The following SPECC1 variants were observed in gnomAD, a reference collection of about 807,000 sequenced individuals.
SPECC1 encodes cytospin-B.
Under a neutral mutation model 104.1 loss-of-function variants are expected in SPECC1, and 62 were observed. That is an observed-to-expected ratio of 0.60 (90% CI 0.49 to 0.74). SPECC1 has a LOEUF of 0.74. Ranked by LOEUF, SPECC1 falls within the 30% of genes least tolerant of loss-of-function variation. The pLI is 0.00. For synonymous variants in SPECC1, 513 were observed against 501.6 expected (o/e 1.02, Z -0.30); for missense variants, 1,306 against 1,310.5 (o/e 1.00, Z 0.05).
At chr17:20,051,447 T>C (rs1039544465) in intron 1 of SPECC1, among the ~76,000 whole-genome samples, 13 of 152,170 alleles carry the variant, frequency 8.5e-5, no homozygotes, top group Non-Finnish European at 1.5e-4. Context: ...AGTGCTAGGA[T>C]TACAGGTGTG....
At chr17:20,214,550 C>T (rs2037362493) in intron 4 of SPECC1, among the ~76,000 whole-genome samples, 1 of 152,244 alleles carries the variant, frequency 6.6e-6, no homozygotes, top group Middle Eastern at 3.4e-3. Context: ...CTCTGTTATC[C>T]AGGCTGAGTG....
At chr17:20,239,226 G>A in intron 7 of SPECC1, 3 of 1,016,540 alleles carry the variant, frequency 3.0e-6, no homozygotes, top group Non-Finnish European at 2.4e-6. Context: ...TAATGTATTG[G>A]ATTTTTTCTT....
chr17:20,242,157 C>T (rs928097955), intron 7 of SPECC1, among the ~76,000 whole-genome samples: 3 of 152,192 alleles, frequency 2.0e-5, no homozygotes, highest in African/African-American at 7.2e-5. Context: ...TCATCATGTA[C>T]AGGAGCTCAC....
intron 3 of SPECC1, among the ~76,000 whole-genome samples, chr17:20,124,483 C>T (rs940836645): frequency 2.2e-4 from 34 of 152,016 alleles, no homozygotes; most frequent in Admixed American, 1.8e-3. Context: ...GCAGGTGGGG[C>T]TGAATCGCTT....
intron 3 of SPECC1, among the ~76,000 whole-genome samples, chr17:20,193,673 T>C (rs1286189089): frequency 1.3e-5 from 2 of 152,216 alleles, no homozygotes; most frequent in Non-Finnish European, 2.9e-5. Flanking sequence ...TCAGTAAGCT[T>C]GTCCTGTATT....
chr17:20,238,673 A>G (rs762919199), intron 7 of SPECC1: 8 of 1,039,670 alleles, frequency 7.7e-6, no homozygotes, highest in African/African-American at 1.7e-5. Flanking sequence ...ACTGAAATTT[A>G]TATTTTGGGC....
At chr17:20,101,970 C>CT (rs1388416999) in intron 2 of SPECC1, among the ~76,000 whole-genome samples, 1 of 152,214 alleles carries the variant, frequency 6.6e-6, no homozygotes, top group Non-Finnish European at 1.5e-5. Flanking sequence ...GGCATTTGAA[C>CT]TTTTTCCTTT....
At chr17:20,286,204 C>T (rs1172394739) in intron 12 of SPECC1, among the ~76,000 whole-genome samples, 1 of 152,200 alleles carries the variant, frequency 6.6e-6, no homozygotes, top group African/African-American at 2.4e-5. Flanking sequence ...CCAGAATCCT[C>T]TTCATGTTCC....
At chr17:20,088,826 G>A (rs116992333) in intron 1 of SPECC1, among the ~76,000 whole-genome samples, 116 of 152,250 alleles carry the variant, frequency 7.6e-4, no homozygotes, top group Non-Finnish European at 1.4e-3. Flanking sequence ...TAAGAGGTGG[G>A]GCCTTTGGGA....
intron 3 of SPECC1, among the ~76,000 whole-genome samples, chr17:20,200,903 A>G (rs1048334418): frequency 6.6e-6 from 1 of 152,042 alleles, no homozygotes; most frequent in Non-Finnish European, 1.5e-5. Flanking sequence ...AAAAAAAAAA[A>G]AAGGAAAAAG....
chr17:20,273,602 G>A lies in SPECC1; in HGVS notation c.2940+13308G>A, dbSNP rs2040482464. Among the ~76,000 whole-genome samples, 7 of 152,154 alleles carry A rather than the reference G, an allele frequency of 4.6e-5. No individual in the cohort carries two copies. In the South Asian group the frequency reaches 1.5e-3, roughly 32 times the overall value. ...CTGTCCTCTGGGTGTGCACAGAAGA[G>A]AGAACGTTTGGAGCTTTGGCTGCTC... On this transcript the variant is annotated intron_variant, in intron 12 of 14. Coordinates refer to ENST00000395527, the MANE Select transcript of SPECC1 (RefSeq NM_001243439.2).
At position 20,051,081 on chromosome 17, in the gene SPECC1, TTTCTTTCTTTCTTTC is replaced by T. The variant is rs2045737244; in HGVS notation, c.-22+41660_-22+41674del. Among the ~76,000 whole-genome samples the T allele has an allele frequency of 5.4e-5, 3 of 56,036 alleles. No homozygotes were observed. In the Admixed American group the frequency reaches 5.6e-4, roughly 10 times the overall value. The allele number at this position is 56,036 out of a possible 152,430, so 36.8% of individuals were successfully genotyped here. A position where few individuals can be genotyped will look rare whatever the true frequency, so the allele number is the denominator to read the frequency against. ...TTCTTTCTTTCTTTTTCTTTCTTTC[TTTCTTTCTTTCTTTC>T]TTTCTTTCTTTCTTTCTTTCTTTCT... On this transcript the variant is annotated intron_variant, in intron 1 of 14. Coordinates refer to ENST00000395527, the MANE Select transcript of SPECC1 (RefSeq NM_001243439.2).
chr17:20,148,428 A>G (rs2031667009), intron 3 of SPECC1, among the ~76,000 whole-genome samples: 1 of 151,806 alleles, frequency 6.6e-6, no homozygotes, highest in Non-Finnish European at 1.5e-5. Context: ...TTCTAGAGAT[A>G]GGGTCTTGTG....
At chr17:20,186,908 G>T (rs982732169) in intron 3 of SPECC1, among the ~76,000 whole-genome samples, 1 of 152,116 alleles carries the variant, frequency 6.6e-6, no homozygotes, top group Non-Finnish European at 1.5e-5. Context: ...GATGTCCCCT[G>T]CTGGGTCCTG....
At chr17:20,296,752 G>A (rs2041364657) in intron 12 of SPECC1, among the ~76,000 whole-genome samples, 1 of 152,070 alleles carries the variant, frequency 6.6e-6, no homozygotes, top group Non-Finnish European at 1.5e-5. Flanking sequence ...TTGTAAGTTG[G>A]ATTCCTAGGT....
In SPECC1 at chr17:20,206,062, A is replaced by G. The variant is rs949274127; in HGVS notation, c.1863+150A>G. ...CCAGCTTGAAGGCCTGTTAGATTGC[A>G]CACAGGTTGGGATTGGGGGATACAA... On this transcript the variant is annotated intron_variant, in intron 4 of 14. Coordinates refer to ENST00000395527, the MANE Select transcript of SPECC1 (RefSeq NM_001243439.2). 4.3e-6 allele frequency: 5 copies of G among 1,167,836 alleles called. No individual in the cohort carries two copies. The East Asian group carries it at 1.2e-4, about 28-fold the overall frequency. The allele number at this position is 1,167,836 out of a possible 1,614,324, so 72.3% of individuals were successfully genotyped here.
At chr17:20,211,964 C>G (rs764685497) in intron 4 of SPECC1, among the ~76,000 whole-genome samples, 10 of 152,224 alleles carry the variant, frequency 6.6e-5, no homozygotes, top group Non-Finnish European at 1.2e-4. Flanking sequence ...CTTCTCTCTC[C>G]AGTCCGAGTT....
chr17:20,296,289 G>A (rs929603160), intron 12 of SPECC1, among the ~76,000 whole-genome samples: 80 of 151,792 alleles, frequency 5.3e-4, no homozygotes, highest in African/African-American at 1.6e-3. Context: ...TCCTTTCCCC[G>A]TTGCTTGTTT....
At chr17:20,262,121 C>T (rs186753813) in intron 12 of SPECC1, among the ~76,000 whole-genome samples, 1 of 152,326 alleles carries the variant, frequency 6.6e-6, no homozygotes, top group Non-Finnish European at 1.5e-5. Flanking sequence ...GATTTATCCT[C>T]ATTGTTGCAT....
Sources: gnomAD v4.1 joint callset for allele counts (sites outside exome capture counted in the v4.1 genomes callset) on GRCh38, gnomAD v4.1.1 for gene constraint, MANE v1.5 for transcripts, NCBI Gene and HGNC (gene_info 2026-07-23, HGNC 2026-07-21) for gene names.